Variants in LMO7 observed in about 807,000 individuals in gnomAD.
LMO7 encodes LIM domain only protein 7.
A neutral mutation model predicts 206.5 loss-of-function variants in LMO7; 120 were observed. The ratio of observed to expected loss-of-function variants is 0.58; its 90% confidence interval spans 0.50 to 0.68. LMO7 has a LOEUF of 0.68. Among genes scored for constraint, LMO7 ranks in the 30% least tolerant of loss-of-function variants. The pLI is 0.00. For missense variants in LMO7, 1,959 were observed against 1,957.9 expected, an observed-to-expected ratio of 1.00 and a Z score of -0.01; for synonymous variants, 706 against 681.5, an observed-to-expected ratio of 1.04 and a Z score of -0.56.
chr13:75,814,086 TA>T (rs1184010246), intron 11 of LMO7, among the ~76,000 whole-genome samples: 6 of 152,218 alleles, frequency 3.9e-5, no homozygotes, highest in Non-Finnish European at 1.5e-5. Context: ...TATATTACAT[TA>T]ATAGATCCAT....
intron 4 of LMO7, among the ~76,000 whole-genome samples, chr13:75,794,700 G>A (rs2053735342): frequency 6.6e-6 from 1 of 152,144 alleles, no homozygotes; most frequent in African/African-American, 2.4e-5. Context: ...CCTTTGTGAA[G>A]TAGCATATTG....
intron 1 of LMO7, among the ~76,000 whole-genome samples, chr13:75,654,749 A>G (rs1453749747): frequency 1.3e-5 from 2 of 152,132 alleles, no homozygotes; most frequent in Non-Finnish European, 2.9e-5. Context: ...ATCTTGGTCT[A>G]TCGTTTTTTC....
intron 4 of LMO7, among the ~76,000 whole-genome samples, chr13:75,778,260 T>C (rs943483671): frequency 1.3e-5 from 2 of 151,848 alleles, no homozygotes; most frequent in Non-Finnish European, 2.9e-5. Flanking sequence ...TGAGATGGAG[T>C]CTTGCTCTGT....
At chr13:75,732,426 A>T (rs1379251620) in intron 3 of LMO7, among the ~76,000 whole-genome samples, 1 of 152,088 alleles carries the variant, frequency 6.6e-6, no homozygotes, top group Non-Finnish European at 1.5e-5. Flanking sequence ...TCAGCTCCTG[A>T]GGCTTCTGCG....
At chr13:75,820,997 CAAAAA>C (rs33919449) in intron 13 of LMO7, among the ~76,000 whole-genome samples, 175 bp from the exon 14 acceptor site, 2 of 126,798 alleles carry the variant, frequency 1.6e-5, no homozygotes, top group Admixed American at 1.6e-4. Flanking sequence ...GATTCGGTCT[CAAAAA>C]AAAAAAAAAA....
intron 1 of LMO7, among the ~76,000 whole-genome samples, chr13:75,679,528 AGATTCCT>A (rs1309382866): frequency 6.6e-6 from 1 of 152,234 alleles, no homozygotes; most frequent in Non-Finnish European, 1.5e-5. Context: ...ATTAAACTGC[AGATTCCT>A]GGCTCCTACC....
At chr13:75,663,124 G>GTT (rs544341710) in intron 1 of LMO7, among the ~76,000 whole-genome samples, 5 of 146,796 alleles carry the variant, frequency 3.4e-5, no homozygotes, top group East Asian at 3.9e-4. Context: ...AAATGTATAA[G>GTT]TTTTTTTTTT....
Position 75,857,863 on chromosome 13 carries a change from G to A in LMO7, c.4874-58G>A, listed in dbSNP as rs2061093546. ...TGATGACTGCTATGTATCCCAGATG[G>A]CAATATTCACGTTTCTGAATCTAAG... On this transcript the variant is annotated intron_variant, in intron 30 of 30. Coordinates refer to ENST00000377534, the MANE Select transcript of LMO7 (RefSeq NM_001306080.2). The A allele has an allele frequency of 2.4e-6, 3 of 1,230,268 alleles. No individual in the cohort carries two copies. In the Admixed American group the frequency reaches 6.2e-5, roughly 25 times the overall value. The allele number at this position is 1,230,268 out of a possible 1,614,324, so 76.2% of individuals were successfully genotyped here.
intron 8 of LMO7, chr13:75,804,855 A>T: frequency 9.4e-7 from 1 of 1,065,408 alleles, no homozygotes; most frequent in Non-Finnish European, 1.1e-6. Context: ...TCCTTTTTTG[A>T]TTGATCTTAG....
At chr13:75,758,169 T>C (rs1317279139) in intron 3 of LMO7, among the ~76,000 whole-genome samples, 1 of 152,152 alleles carries the variant, frequency 6.6e-6, no homozygotes, top group East Asian at 1.9e-4. Context: ...ATAAGATTAG[T>C]TTTAATTTGT....
chr13:75,633,452 A>C (rs142978817), upstream of LMO7, among the ~76,000 whole-genome samples: 3 of 152,334 alleles, frequency 2.0e-5, no homozygotes, highest in African/African-American at 7.2e-5. Context: ...TGGGTGGTGA[A>C]CTGTTTACTC....
chr13:75,700,276 A>G (rs2042198243), intron 1 of LMO7, among the ~76,000 whole-genome samples: 1 of 152,230 alleles, frequency 6.6e-6, no homozygotes, highest in Non-Finnish European at 1.5e-5. Flanking sequence ...TAAAGTAAAG[A>G]CAGGCATAGG....
At chr13:75,804,820 G>T (rs1008422974) in intron 8 of LMO7, 27 of 1,130,230 alleles carry the variant, frequency 2.4e-5, no homozygotes, top group Non-Finnish European at 2.6e-5. Context: ...TATTGTTCAT[G>T]ATGAGCCATG....
Position 75,859,474 on chromosome 13 carries a change from C to T in LMO7, c.*1531C>T, listed in dbSNP as rs1488172696. The T allele has an allele frequency of 6.6e-6, 1 of 152,044 alleles. No individual in the cohort carries two copies. The highest frequency in any genetic ancestry group is 2.4e-5 in the African/African-American group (1 of 41,376). 9.4% of individuals were successfully genotyped at this position (152,044 alleles called of 1,614,324 possible). On this transcript the variant is annotated 3_prime_UTR_variant, in exon 31 of 31. Coordinates refer to ENST00000377534, the MANE Select transcript of LMO7 (RefSeq NM_001306080.2). ...TATCTTTTTTCATGGTTGCATAGTGCTCCATTGTTTGGCCTTGGTAATATT... is the reference window on the plus strand; with the variant it reads ...TATCTTTTTTCATGGTTGCATAGTGTTCCATTGTTTGGCCTTGGTAATATT...
At chr13:75,693,541 G>A (rs757079280) in intron 1 of LMO7, among the ~76,000 whole-genome samples, 14 of 152,194 alleles carry the variant, frequency 9.2e-5, no homozygotes, top group Admixed American at 2.0e-4. Context: ...CTTTTCCTCC[G>A]GCTTTTCTGT....
At chr13:75,768,776 G>A (rs1266683429) in intron 4 of LMO7, among the ~76,000 whole-genome samples, 1 of 151,948 alleles carries the variant, frequency 6.6e-6, no homozygotes, top group African/African-American at 2.4e-5. Context: ...TTTCTTTTTG[G>A]AATAGGTGTT....
At chr13:75,651,557 G>T (rs1335363899) in intron 1 of LMO7, among the ~76,000 whole-genome samples, 1 of 152,088 alleles carries the variant, frequency 6.6e-6, no homozygotes, top group Non-Finnish European at 1.5e-5. Context: ...TGATCCACCT[G>T]CCTCAGCCGA....
intron 4 of LMO7, among the ~76,000 whole-genome samples, chr13:75,762,494 T>G (rs1205245981): frequency 6.6e-6 from 1 of 152,154 alleles, no homozygotes; most frequent in Non-Finnish European, 1.5e-5. Context: ...GTTTTGAAAG[T>G]CTGTAGCCTA....
intron 20 of LMO7, among the ~76,000 whole-genome samples, chr13:75,838,629 T>G (rs2059345786): frequency 1.3e-5 from 2 of 152,202 alleles, no homozygotes; most frequent in Admixed American, 6.6e-5. Flanking sequence ...TGTTTTTGGT[T>G]GTGGAAAACA....
Sources: gnomAD v4.1 joint callset for allele counts (sites outside exome capture counted in the v4.1 genomes callset) on GRCh38, gnomAD v4.1.1 for gene constraint, MANE v1.5 for transcripts, NCBI Gene and HGNC (gene_info 2026-07-23, HGNC 2026-07-21) for gene names.